The following RNF187 variants were observed in gnomAD, a reference collection of about 807,000 sequenced individuals.
RNF187 encodes E3 ubiquitin-protein ligase RNF187.
A neutral mutation model predicts 22.2 loss-of-function variants in RNF187; 18 were observed. That is an observed-to-expected ratio of 0.81 (90% confidence interval 0.56 to 1.20). The LOEUF (loss-of-function observed/expected upper bound fraction) is 1.20. Ranked by LOEUF, RNF187 falls within the 50% of genes most tolerant of loss-of-function variation. RNF187 has a pLI of 0.00. For missense variants in RNF187, 329 were observed against 317.6 expected (o/e 1.04, Z -0.27); for synonymous variants, 164 against 140.9 (o/e 1.16, Z -1.16).
chr1:228,487,410 C>T lies in RNF187; in HGVS notation c.-79C>T, dbSNP rs1658856948. 4 of 1,077,724 alleles carry T rather than the reference C, an allele frequency of 3.7e-6. No individual in the cohort carries two copies. The highest frequency in any genetic ancestry group is 4.5e-6 in the Non-Finnish European group (4 of 890,856). The allele number at this position is 1,077,724 out of a possible 1,614,324, so 66.8% of individuals were successfully genotyped here. Reference sequence around the variant, plus strand: ...GGCGTCTTCGTCCTGTTGCTGGTCTCCGTCCGGTCGCCGGCCGTCTAGGTC... The same window carrying T: ...GGCGTCTTCGTCCTGTTGCTGGTCTTCGTCCGGTCGCCGGCCGTCTAGGTC... On this transcript the variant is annotated 5_prime_UTR_variant, in exon 1 of 4. Coordinates refer to ENST00000305943, the MANE Select transcript of RNF187 (RefSeq NM_001010858.3).
chr1:228,494,716 C>T lies in RNF187; in HGVS notation c.*831C>T. 5 of 985,510 alleles carry T rather than the reference C, an allele frequency of 5.1e-6. No individual in the cohort carries two copies. Among genetic ancestry groups the T allele is most frequent in the Non-Finnish European group, 6.0e-6 (5 of 830,008 alleles). The allele number at this position is 985,510 out of a possible 1,614,324, so 61.0% of individuals were successfully genotyped here. On this transcript the variant is annotated 3_prime_UTR_variant, in exon 4 of 4. Transcript: ENST00000305943. ...TTTTGCAAAGCTTGTAGCAGTAGCTCAGTTGCCTGCAGCATCCTTGTGTGT... is the reference window on the plus strand; with the variant it reads ...TTTTGCAAAGCTTGTAGCAGTAGCTTAGTTGCCTGCAGCATCCTTGTGTGT...
chr1:228,492,989 A>G, intron 2 of RNF187, 64 bp from the exon 3 acceptor site: 1 of 1,467,940 alleles, frequency 6.8e-7, no homozygotes, highest in Admixed American at 2.4e-5. Context: ...AAGAGCAAAC[A>G]GGTTCCCCTT....
At chr1:228,492,590 G>A in intron 2 of RNF187, among the ~76,000 whole-genome samples, 98 of 149,134 alleles carry the variant, frequency 6.6e-4, no homozygotes, top group Admixed American at 1.9e-3. Flanking sequence ...AAAGTGCTGG[G>A]ATTATAGGCG....
chr1:228,494,662 C>T lies in RNF187; in HGVS notation c.*777C>T. The stretch of plus-strand genomic sequence containing the variant: ...ATCTTGCTGTTATCTCTAGCTCTTT[C>T]CCTCCTCCCATTTCCTTTAGTAGTT... On this transcript the variant is annotated 3_prime_UTR_variant, in exon 4 of 4. Coordinates refer to ENST00000305943, the MANE Select transcript of RNF187 (RefSeq NM_001010858.3). 149 of 985,674 alleles carry T rather than the reference C, an allele frequency of 1.5e-4. No homozygotes were observed. The Middle Eastern group carries it at 2.6e-3, about 17-fold the overall frequency. 61.1% of individuals were successfully genotyped at this position (985,674 alleles called of 1,614,324 possible).
chr1:228,495,044 A>C lies in RNF187; in HGVS notation c.*1159A>C. ...TGGCCACCCTCCAGTGTCAAAGGAA[A>C]CTTCCTCGTGACACGTGCTAAAGCA... On this transcript the variant is annotated 3_prime_UTR_variant, in exon 4 of 4. Transcript: ENST00000305943. The C allele has an allele frequency of 1.0e-6, 1 of 985,318 alleles. No individual in the cohort carries two copies. Among genetic ancestry groups the C allele is most frequent in the Non-Finnish European group, 1.2e-6 (1 of 829,810 alleles). The allele number at this position is 985,318 out of a possible 1,614,324, so 61.0% of individuals were successfully genotyped here. A position where few individuals can be genotyped will look rare whatever the true frequency, so the allele number is the denominator to read the frequency against.
intron 2 of RNF187, among the ~76,000 whole-genome samples, chr1:228,490,973 A>G: frequency 1.3e-5 from 2 of 152,166 alleles, no homozygotes; most frequent in African/African-American, 4.8e-5. Context: ...CCCCTTGGCC[A>G]TGGGAGATGG....
chr1:228,494,102 C>G lies in RNF187; in HGVS notation c.*217C>G. On this transcript the variant is annotated 3_prime_UTR_variant, in exon 4 of 4. Coordinates refer to ENST00000305943, the MANE Select transcript of RNF187 (RefSeq NM_001010858.3). Reference sequence around the variant, plus strand: ...TCCCGGTAGAGGCTGGACCTGAGGACCCTTCCCACCTGTGCCCGTCCCTTC... The same window carrying G: ...TCCCGGTAGAGGCTGGACCTGAGGAGCCTTCCCACCTGTGCCCGTCCCTTC... 6.9e-7 allele frequency: 1 copy of G among 1,458,480 alleles called. No homozygotes were observed. The highest frequency in any genetic ancestry group is 9.0e-7 in the Non-Finnish European group (1 of 1,106,974). The allele number at this position is 1,458,480 out of a possible 1,614,324, so 90.3% of individuals were successfully genotyped here.
In RNF187 at chr1:228,494,482, T is replaced by G; in HGVS notation, c.*597T>G. ...CCAAGTCGCTCTGTCCACCTCCCCC[T>G]TCCTGGCCCCCACCCCACTCCTGTG... On this transcript the variant is annotated 3_prime_UTR_variant, in exon 4 of 4. Coordinates refer to ENST00000305943, the MANE Select transcript of RNF187 (RefSeq NM_001010858.3). The G allele has an allele frequency of 4.1e-6, 4 of 979,896 alleles. No individual in the cohort carries two copies. Among genetic ancestry groups the G allele is most frequent in the Non-Finnish European group, 2.4e-6 (2 of 824,788 alleles). 60.7% of individuals were successfully genotyped at this position (979,896 alleles called of 1,614,324 possible).
chr1:228,492,278 G>A lies in RNF187; in HGVS notation c.484-775G>A. On this transcript the variant is annotated intron_variant, in intron 2 of 3. Transcript: ENST00000305943. ...TTGCCCAGGCTAGTCTCGAACTCCT[G>A]GGCTCAAGCAATCCTCCCACCTCAG... Among the ~76,000 whole-genome samples, 21 of 152,128 alleles carry A rather than the reference G, an allele frequency of 1.4e-4. No individual in the cohort carries two copies. In the East Asian group the frequency reaches 3.9e-3, roughly 28 times the overall value.
Position 228,493,824 on chromosome 1 carries a change from A to G in RNF187, c.706-59A>G. On this transcript the variant is annotated intron_variant, in intron 3 of 3. Coordinates refer to ENST00000305943, the MANE Select transcript of RNF187 (RefSeq NM_001010858.3). The surrounding 1 kb of genome is among the most constrained non-coding windows in gnomAD (Gnocchi z 4.7). ...CTCTCTCCTTTTGCCTCTGTCTCTGACTCTGTGTGTCTCTTTCTCTTTTTG... is the reference window on the plus strand; with the variant it reads ...CTCTCTCCTTTTGCCTCTGTCTCTGGCTCTGTGTGTCTCTTTCTCTTTTTG... 19 of 1,528,344 alleles carry G rather than the reference A, an allele frequency of 1.2e-5. No individual in the cohort carries two copies. The African/African-American group carries it at 2.5e-4, about 20-fold the overall frequency. 94.7% of individuals were successfully genotyped at this position (1,528,344 alleles called of 1,614,324 possible).
Position 228,493,898 on chromosome 1 carries a change from G to A in RNF187, c.*13G>A. 12 of 1,551,694 alleles carry A rather than the reference G, an allele frequency of 7.7e-6. No individual in the cohort carries two copies. The highest frequency in any genetic ancestry group is 4.1e-5 in the African/African-American group (3 of 73,158). On this transcript the variant is annotated 3_prime_UTR_variant, in exon 4 of 4. Coordinates refer to ENST00000305943, the MANE Select transcript of RNF187 (RefSeq NM_001010858.3). The surrounding 1 kb of genome is among the most constrained non-coding windows in gnomAD (Gnocchi z 4.7). ...TCCCATGCAGTGATGGCGCCAACCC[G>A]TGGCAGTCCCAGAGCTGGAGGCAGG...
intron 2 of RNF187, among the ~76,000 whole-genome samples, chr1:228,491,483 C>T: frequency 1.3e-5 from 2 of 151,414 alleles, no homozygotes; most frequent in African/African-American, 4.9e-5. Flanking sequence ...CTCTGTTGCC[C>T]AGGCTGGAGT....
chr1:228,492,347 G>T, intron 2 of RNF187, among the ~76,000 whole-genome samples: 1 of 151,796 alleles, frequency 6.6e-6, no homozygotes, highest in African/African-American at 2.4e-5. Flanking sequence ...ACCGTGCCAG[G>T]CCTCTTCTGT....
Position 228,493,837 on chromosome 1 carries a change from C to CT in RNF187, c.706-43dup. 6.5e-7 allele frequency: 1 copy of CT among 1,545,722 alleles called. No individual in the cohort carries two copies. The highest frequency in any genetic ancestry group is 8.8e-7 in the Non-Finnish European group (1 of 1,141,512). ...CCTCTGTCTCTGACTCTGTGTGTCT[C>CT]TTTCTCTTTTTGTCTCTCTGTCTTT... On this transcript the variant is annotated intron_variant, in intron 3 of 3. Transcript: ENST00000305943. This position sits in a 1 kb window ranked among gnomAD's most constrained non-coding sequence, Gnocchi z 4.7.
Position 228,489,144 on chromosome 1 carries a change from T to C in RNF187, c.483+92T>C. ...ACCACCAGGCCAAGTGGGCCAGGCC[T>C]CTGAACTGCTCAGCTGGTTGGTTGG... On this transcript the variant is annotated intron_variant, in intron 2 of 3. Transcript: ENST00000305943. 4.9e-6 allele frequency: 5 copies of C among 1,013,680 alleles called. No homozygotes were observed. The African/African-American group carries it at 8.1e-5, about 16-fold the overall frequency. 62.8% of individuals were successfully genotyped at this position (1,013,680 alleles called of 1,614,324 possible).
chr1:228,493,306 C>T lies in RNF187; in HGVS notation c.705+32C>T. On this transcript the variant is annotated intron_variant, in intron 3 of 3. Coordinates refer to ENST00000305943, the MANE Select transcript of RNF187 (RefSeq NM_001010858.3). This position sits in a 1 kb window ranked among gnomAD's most constrained non-coding sequence, Gnocchi z 4.7. Reference sequence around the variant, plus strand: ...GAGCCCCGCTGGGTCTGCCCACCATCGGGCCAGGGTGGACGCAGGCAGCAG... The same window carrying T: ...GAGCCCCGCTGGGTCTGCCCACCATTGGGCCAGGGTGGACGCAGGCAGCAG... 2.5e-5 allele frequency: 38 copies of T among 1,538,502 alleles called. No homozygotes were observed. Among genetic ancestry groups the T allele is most frequent in the East Asian group, 7.4e-5 (3 of 40,698 alleles).
At chr1:228,488,820 C>T in intron 1 of RNF187, 140 bp from the exon 2 acceptor site, 1 of 662,502 alleles carries the variant, frequency 1.5e-6, no homozygotes, top group African/African-American at 1.8e-5. Context: ...TGCGTTCCTG[C>T]CCTAGACAAC....
intron 1 of RNF187, 39 bp downstream of exon 1, chr1:228,487,917 G>T: frequency 1.1e-5 from 13 of 1,137,054 alleles, no homozygotes; most frequent in Non-Finnish European, 1.4e-5. Context: ...CCCGGACGGT[G>T]CCCTGCGCCT....
intron 2 of RNF187, 144 bp from the exon 3 acceptor site, chr1:228,492,909 C>T: frequency 3.4e-6 from 3 of 883,938 alleles, no homozygotes; most frequent in Non-Finnish European, 5.1e-6. Flanking sequence ...AAGCGTGAGC[C>T]ACTGTGCCTG....
Sources: allele counts gnomAD v4.1 joint callset (sites outside exome capture counted in the v4.1 genomes callset), GRCh38; gene constraint gnomAD v4.1.1; non-coding constraint Gnocchi (gnomAD v3.1); transcripts MANE v1.5; gene names NCBI Gene and HGNC (gene_info 2026-07-23, HGNC 2026-07-21).